UNC13C: variants seen among roughly 807,000 people sequenced by gnomAD.
UNC13C encodes unc-13 homolog C.
Under a neutral mutation model 245.4 loss-of-function variants are expected in UNC13C, and 174 were observed. The observed-to-expected ratio is 0.71, with a 90% confidence interval of 0.63 to 0.80. The LOEUF (loss-of-function observed/expected upper bound fraction) is 0.80. Ranked by LOEUF, UNC13C falls within the 30% of genes least tolerant of loss-of-function variation. The probability of loss-of-function intolerance (pLI) is 0.00; values close to 1 mark genes in which losing one functional copy is unlikely to be tolerated. For synonymous variants in UNC13C, 992 were observed against 895.1 expected (o/e 1.11, Z -1.93); for missense variants, 2,829 against 2,602.9 (o/e 1.09, Z -1.89).
intron 24 of UNC13C, among the ~76,000 whole-genome samples, chr15:54,513,502 C>T (rs956025067): frequency 3.3e-5 from 5 of 152,106 alleles, no homozygotes; most frequent in African/African-American, 7.2e-5. Flanking sequence ...TATAAAGTGG[C>T]TTGTTCACCA....
At chr15:53,996,925 G>C (rs908747852) in intron 1 of UNC13C, among the ~76,000 whole-genome samples, 2 of 151,428 alleles carry the variant, frequency 1.3e-5, no homozygotes. Context: ...TTTCTCATGG[G>C]TGAGTACTTA....
chr15:54,404,091 AT>A (rs1402388064), intron 18 of UNC13C, among the ~76,000 whole-genome samples: 24 of 152,214 alleles, frequency 1.6e-4, no homozygotes, highest in African/African-American at 5.5e-4. Context: ...CAAAGGCTTA[AT>A]AAGTTTTATA....
At chr15:54,512,320 C>T in intron 24 of UNC13C, 1 of 455,854 alleles carries the variant, frequency 2.2e-6, no homozygotes, top group Non-Finnish European at 4.4e-6. Context: ...CTTTGTCCAA[C>T]ATCTTTGACT....
the UNC13C span, chr15:53,914,351 A>C: frequency 4.6e-5 from 7 of 152,280 alleles, 1 homozygote; most frequent in East Asian, 1.2e-3. Context: ...TATTGCTGTA[A>C]AAGGTAGAAC....
chr15:54,626,706 T>G, intron 32 of UNC13C, 122 bp from the exon 33 acceptor site: 1 of 885,232 alleles, frequency 1.1e-6, no homozygotes, highest in Non-Finnish European at 1.7e-6. Flanking sequence ...TACACTGATA[T>G]CCTATTTGCC....
intron 17 of UNC13C, among the ~76,000 whole-genome samples, chr15:54,358,394 A>C (rs1206618323): frequency 1.3e-5 from 2 of 152,088 alleles, no homozygotes; most frequent in Non-Finnish European, 2.9e-5. Context: ...ATTAATCTTT[A>C]GCTCCCTTTG....
chr15:53,899,642 G>A, the UNC13C span, among the ~76,000 whole-genome samples: 2 of 152,088 alleles, frequency 1.3e-5, no homozygotes, highest in East Asian at 1.9e-4. Flanking sequence ...TCGGCTCACC[G>A]CAACATCCAC....
the UNC13C span, among the ~76,000 whole-genome samples, chr15:53,890,002 A>T: frequency 6.6e-6 from 1 of 152,034 alleles, no homozygotes; most frequent in Non-Finnish European, 1.5e-5. Context: ...AGGGATATTG[A>T]TCTGAAATTT....
intron 30 of UNC13C, among the ~76,000 whole-genome samples, chr15:54,578,613 AT>A (rs1478951634): frequency 6.6e-6 from 1 of 152,254 alleles, no homozygotes; most frequent in African/African-American, 2.4e-5. Context: ...TTACCTATAA[AT>A]AACCACTCAC....
rs547724461 is a variant in UNC13C, at chr15:54,042,263, C to G, written c.2983+26377C>G. 3.5e-3 allele frequency among the ~76,000 whole-genome samples: 528 copies of G among 152,192 alleles called. 3 individuals carry two copies. The highest frequency in any genetic ancestry group is 6.0e-3 in the Non-Finnish European group (406 of 67,988). The stretch of plus-strand genomic sequence containing the variant: ...GAAAAATCTTATTTTTGACATAAAG[C>G]ATGAAATGAAAATACATAGGGATTT... On this transcript the variant is annotated intron_variant, in intron 2 of 32. Transcript: ENST00000260323.
At chr15:53,900,961 A>G in the UNC13C span, among the ~76,000 whole-genome samples, 7 of 152,154 alleles carry the variant, frequency 4.6e-5, no homozygotes, top group African/African-American at 1.7e-4. Flanking sequence ...AATTACCAAA[A>G]GATGAATTTA....
At chr15:53,934,888 C>T in the UNC13C span, among the ~76,000 whole-genome samples, 49 of 152,240 alleles carry the variant, frequency 3.2e-4, 1 homozygote, top group East Asian at 3.9e-3. Flanking sequence ...TCCACCCTTA[C>T]GATCCAGTCA....
chr15:54,533,294 A>G (rs181570131), intron 26 of UNC13C, among the ~76,000 whole-genome samples: 1 of 152,302 alleles, frequency 6.6e-6, no homozygotes, highest in African/African-American at 2.4e-5. Flanking sequence ...GGAAAGAAAG[A>G]GGGGAAATAA....
chr15:54,475,882 C>T (rs1378276258), intron 19 of UNC13C, among the ~76,000 whole-genome samples: 1 of 109,470 alleles, frequency 9.1e-6, no homozygotes, highest in Non-Finnish European at 1.9e-5. Flanking sequence ...GGAATCGCCA[C>T]ACTGACTTCC....
chr15:54,163,069 C>T (rs2033037263), intron 4 of UNC13C, among the ~76,000 whole-genome samples: 1 of 152,064 alleles, frequency 6.6e-6, no homozygotes, highest in Non-Finnish European at 1.5e-5. Context: ...TTCCTGGAAC[C>T]TGTGAATATG....
At chr15:53,838,126 T>G in the UNC13C span, among the ~76,000 whole-genome samples, 7 of 152,104 alleles carry the variant, frequency 4.6e-5, no homozygotes, top group African/African-American at 1.7e-4. Flanking sequence ...AAATATCTTG[T>G]TGGGATTTTA....
intron 2 of UNC13C, among the ~76,000 whole-genome samples, chr15:54,037,537 T>C (rs942245703): frequency 1.3e-5 from 2 of 152,232 alleles, no homozygotes; most frequent in African/African-American, 4.8e-5. Flanking sequence ...AAAGCAAGTT[T>C]GAATTCATTT....
intron 4 of UNC13C, among the ~76,000 whole-genome samples, chr15:54,231,785 A>G (rs1286620529): frequency 6.6e-6 from 1 of 152,080 alleles, no homozygotes; most frequent in African/African-American, 2.4e-5. Context: ...TTACCTTTAG[A>G]GTTACTTGTC....
chr15:54,047,634 T>G (rs1897096018), intron 2 of UNC13C, among the ~76,000 whole-genome samples: 1 of 152,204 alleles, frequency 6.6e-6, no homozygotes, highest in Non-Finnish European at 1.5e-5. Context: ...GTACCACATT[T>G]GTTTATCCAT....
Sources: allele counts gnomAD v4.1 joint callset (sites outside exome capture counted in the v4.1 genomes callset), GRCh38; gene constraint gnomAD v4.1.1; transcripts MANE v1.5; gene names NCBI Gene and HGNC (gene_info 2026-07-23, HGNC 2026-07-21).